UBQLN1: variants seen among roughly 807,000 people sequenced by gnomAD.
The protein encoded by UBQLN1 is ubiquilin-1.
UBQLN1 carries 13 observed loss-of-function variants against 65.4 expected under a neutral mutation model. That is an observed-to-expected ratio of 0.20 (90% confidence interval 0.13 to 0.32). The LOEUF (loss-of-function observed/expected upper bound fraction) is 0.32. UBQLN1 is among the 10% of genes least tolerant of loss of function. UBQLN1 has a pLI of 1.00. For missense variants in UBQLN1, 561 were observed against 724.0 expected (o/e 0.77, Z 2.58); for synonymous variants, 267 against 247.8 (o/e 1.08, Z -0.73).
At chr9:83,697,924 C>T (rs1328386814) in intron 1 of UBQLN1, among the ~76,000 whole-genome samples, 1 of 151,946 alleles carries the variant, frequency 6.6e-6, no homozygotes, top group African/African-American at 2.4e-5. Context: ...TTAGTAGAGA[C>T]GGGGTTTCTC....
At position 83,680,019 on chromosome 9, in the gene UBQLN1, G is replaced by T; in HGVS notation, c.467C>A (p.Ala156Glu). ...PFGLGGLGGLAGLSSLGLNTT... is the reference protein window; with the variant it reads ...PFGLGGLGGLEGLSSLGLNTT... ...ATTCAAACCCAAGCTACTCAGACCTGCAAGTCCCCCAAGGCCACCTAAGAG... is the reference window on the plus strand; with the variant it reads ...ATTCAAACCCAAGCTACTCAGACCTTCAAGTCCCCCAAGGCCACCTAAGAG... The change falls in exon 4 of 11, where the codon GCA becomes GAA. Residue 156 changes from alanine to glutamate, a missense_variant. Around this residue, in one of 8 missense-constraint regions of UBQLN1, gnomAD observed 87 missense variants for 88.8 expected, o/e 0.98. Transcript: ENST00000376395. 3 of 1,612,774 alleles carry T rather than the reference G, an allele frequency of 1.9e-6. No individual in the cohort carries two copies. Among genetic ancestry groups the T allele is most frequent in the Non-Finnish European group, 2.5e-6 (3 of 1,178,948 alleles).
intron 1 of UBQLN1, among the ~76,000 whole-genome samples, chr9:83,689,913 C>G (rs1832098364): frequency 6.6e-6 from 1 of 152,064 alleles, no homozygotes; most frequent in Non-Finnish European, 1.5e-5. Flanking sequence ...AAATGGCAAA[C>G]AACACAGGTA....
rs142348719 is a variant in UBQLN1 at position 83,682,956 on chromosome 9, C to G, written c.443G>C (p.Gly148Ala). 311 of 1,604,510 alleles carry G rather than the reference C, an allele frequency of 1.9e-4. 2 individuals carry two copies. The African/African-American group carries it at 3.5e-3, about 18-fold the overall frequency. Residue 148 changes from glycine to alanine, a missense_variant, in exon 3 of 11, where the codon GGT becomes GCT. By Grantham distance (60) the Gly-to-Ala change is moderately conservative (BLOSUM62 0). This residue lies in a region of UBQLN1 where 87 missense variants were observed against 88.8 expected (regional missense o/e 0.98). Coordinates refer to ENST00000376395, the MANE Select transcript of UBQLN1 (RefSeq NM_013438.5). Reference protein sequence around the residue: ...TSGSATSNPFGLGGLGGLAGL... With the variant: ...TSGSATSNPFALGGLGGLAGL... The stretch of plus-strand genomic sequence containing the variant: ...GAATGACTAAAGACACTTACCTAAA[C>G]CAAAAGGGTTGCTAGTAGCAGAACC...
intron 1 of UBQLN1, among the ~76,000 whole-genome samples, chr9:83,707,259 G>T (rs1045338760): frequency 1.3e-5 from 2 of 152,130 alleles, no homozygotes; most frequent in African/African-American, 2.4e-5. Context: ...ACCAGAGAAG[G>T]AAGGCTCCGA....
intron 1 of UBQLN1, among the ~76,000 whole-genome samples, chr9:83,706,930 AAC>A (rs1463065592): frequency 6.6e-6 from 1 of 152,000 alleles, no homozygotes; most frequent in Non-Finnish European, 1.5e-5. Flanking sequence ...TGGAGCTAAA[AAC>A]AGTTTCTACG....
chr9:83,665,224 G>T, intron 8 of UBQLN1, 79 bp from the exon 9 acceptor site: 1 of 1,079,496 alleles, frequency 9.3e-7, no homozygotes, highest in Non-Finnish European at 1.3e-6. Context: ...TCTCTGTTAT[G>T]CTTCTGGAGA....
intron 1 of UBQLN1, among the ~76,000 whole-genome samples, chr9:83,706,642 A>G (rs1832412604): frequency 6.6e-6 from 1 of 152,254 alleles, no homozygotes; most frequent in South Asian, 2.1e-4. Context: ...ATACACTAAA[A>G]TTATTTGTTA....
intron 10 of UBQLN1, among the ~76,000 whole-genome samples, chr9:83,662,313 C>G (rs984151438): frequency 2.3e-4 from 33 of 141,374 alleles, no homozygotes; most frequent in Non-Finnish European, 3.1e-4. Context: ...CACACACACA[C>G]AGATAGTTCA....
chr9:83,675,575 G>A (rs1831818860), intron 6 of UBQLN1, among the ~76,000 whole-genome samples: 1 of 152,140 alleles, frequency 6.6e-6, no homozygotes, highest in Admixed American at 6.5e-5. Flanking sequence ...CAATGCAAAT[G>A]CAAAGGCAAC....
intron 3 of UBQLN1, 137 bp from the exon 4 acceptor site, chr9:83,680,174 AT>A (rs1831917356): frequency 1.0e-6 from 1 of 956,512 alleles, no homozygotes; most frequent in African/African-American, 1.6e-5. Flanking sequence ...AACAAATCGA[AT>A]ACCTATTACT....
chr9:83,691,644 C>T (rs1341658599), intron 1 of UBQLN1, among the ~76,000 whole-genome samples: 3 of 152,222 alleles, frequency 2.0e-5, no homozygotes, highest in African/African-American at 4.8e-5. Flanking sequence ...ACCACACACA[C>T]ATTTTCACAT....
chr9:83,663,869 T>A lies in UBQLN1; in HGVS notation c.1617+6A>T, dbSNP rs771096983. ...ATACAAAACTTGAATGGAAAAGAACTGATACCTGAGGATTTACTCCAGCAA... is the reference window on the plus strand; with the variant it reads ...ATACAAAACTTGAATGGAAAAGAACAGATACCTGAGGATTTACTCCAGCAA... On this transcript the variant is annotated splice_donor_region_variant and intron_variant, in intron 10 of 10. Transcript: ENST00000376395. 9.3e-6 allele frequency: 15 copies of A among 1,611,140 alleles called. No individual in the cohort carries two copies. Among genetic ancestry groups the A allele is most frequent in the Non-Finnish European group, 1.1e-5 (13 of 1,179,112 alleles).
intron 1 of UBQLN1, among the ~76,000 whole-genome samples, chr9:83,697,551 C>CAAAAAAAAAAAAA (rs750268209): frequency 5.8e-5 from 2 of 34,476 alleles, no homozygotes; most frequent in African/African-American, 2.2e-4. Flanking sequence ...GACACTGTCT[C>CAAAAAAAAAAAAA]AAAAAAAAAA....
chr9:83,685,335 A>C (rs1173691400), intron 2 of UBQLN1, among the ~76,000 whole-genome samples: 1 of 152,216 alleles, frequency 6.6e-6, no homozygotes. Flanking sequence ...AAAAATATGG[A>C]CACTGACAAC....
rs569877103 is a variant in UBQLN1, at chr9:83,690,316, C to A, written c.181-4161G>T. Reference sequence around the variant, plus strand: ...GATACCTCAACACGAGCGAAAAAGCCAGTCACAAATGAATATAAATTGTAT... The same window carrying A: ...GATACCTCAACACGAGCGAAAAAGCAAGTCACAAATGAATATAAATTGTAT... On this transcript the variant is annotated intron_variant, in intron 1 of 10. Transcript: ENST00000376395. Among the ~76,000 whole-genome samples, 12 of 152,078 alleles carry A rather than the reference C, an allele frequency of 7.9e-5. 1 individual carries two copies. The South Asian group carries it at 2.5e-3, about 32-fold the overall frequency.
intron 1 of UBQLN1, among the ~76,000 whole-genome samples, chr9:83,702,052 C>A (rs985240632): frequency 2.0e-5 from 3 of 152,138 alleles, no homozygotes; most frequent in African/African-American, 7.2e-5. Context: ...TAAGTGAAAG[C>A]CAATCACAAA....
At chr9:83,690,432 G>T (rs1295222630) in intron 1 of UBQLN1, among the ~76,000 whole-genome samples, 3 of 152,174 alleles carry the variant, frequency 2.0e-5, no homozygotes, top group South Asian at 2.1e-4. Flanking sequence ...CCTTAAGTTT[G>T]CAAGTGACTT....
intron 1 of UBQLN1, among the ~76,000 whole-genome samples, chr9:83,697,136 G>C (rs1411588655): frequency 6.6e-6 from 1 of 152,084 alleles, no homozygotes; most frequent in Non-Finnish European, 1.5e-5. Context: ...GTTTGGGGCA[G>C]TGGATCGGTG....
intron 4 of UBQLN1, 143 bp from the exon 5 acceptor site, chr9:83,678,742 A>C (rs1831886733): frequency 2.2e-6 from 2 of 917,758 alleles, no homozygotes; most frequent in African/African-American, 1.7e-5. Flanking sequence ...TTTGAGACGG[A>C]GTCTTGCTTT....
Sources: gnomAD v4.1 joint callset for allele counts (sites outside exome capture counted in the v4.1 genomes callset) on GRCh38, gnomAD v4.1.1 for gene constraint, gnomAD v4.1.1 regional missense constraint, MANE v1.5 for transcripts, NCBI Gene and HGNC (gene_info 2026-07-23, HGNC 2026-07-21) for gene names.